IGSF10: variants seen among roughly 807,000 people sequenced by gnomAD.
The protein encoded by IGSF10 is immunoglobulin superfamily member 10, also known as calvaria mechanical force protein 608.
In IGSF10, 126 loss-of-function variants were observed where a neutral mutation model predicts 128.2. That is an observed-to-expected ratio of 0.98 (90% CI 0.85 to 1.14). IGSF10 has a LOEUF of 1.14. Ranked by LOEUF, IGSF10 falls within the 50% of genes most tolerant of loss-of-function variation. The pLI is 0.00. For synonymous variants in IGSF10, 1,185 were observed against 1,146.2 expected (o/e 1.03, Z -0.68); for missense variants, 3,295 against 3,149.8 (o/e 1.05, Z -1.10).
chr3:151,437,624 A>AGAT lies in IGSF10; in HGVS notation c.6934_6936dup (p.Ile2312dup), dbSNP rs1720467560. On this transcript the variant is annotated inframe_insertion, in exon 8 of 8. Transcript: ENST00000282466. Reference sequence around the variant, plus strand: ...TCTCCACCTTCATTTCGGGCCACACAGATAAAGTCGGCTGAATCTGAAAGC... The same window carrying AGAT: ...TCTCCACCTTCATTTCGGGCCACACAGATGATAAAGTCGGCTGAATCTGAAAGC... 1.2e-6 allele frequency: 2 copies of AGAT among 1,614,220 alleles called. No homozygotes were observed. The highest frequency in any genetic ancestry group is 1.7e-6 in the Non-Finnish European group (2 of 1,180,046).
chr3:151,509,430 T>C, the IGSF10 span, among the ~76,000 whole-genome samples: 1 of 152,204 alleles, frequency 6.6e-6, no homozygotes, highest in Non-Finnish European at 1.5e-5. Flanking sequence ...CATGGACTTA[T>C]GGAGAACCAA....
chr3:151,490,454 GAT>G, the IGSF10 span, among the ~76,000 whole-genome samples: 1 of 150,904 alleles, frequency 6.6e-6, no homozygotes, highest in Non-Finnish European at 1.5e-5. Context: ...TTCAACAATG[GAT>G]AGATCAATTA....
chr3:151,542,725 C>T, the IGSF10 span, among the ~76,000 whole-genome samples: 1 of 152,148 alleles, frequency 6.6e-6, no homozygotes, highest in Non-Finnish European at 1.5e-5. Flanking sequence ...GATTTGGGTT[C>T]TTAAAACTAA....
chr3:151,438,132 T>C lies in IGSF10; in HGVS notation c.6429A>G (p.Ile2143Met). 6.2e-7 allele frequency: 1 copy of C among 1,614,194 alleles called. No individual in the cohort carries two copies. Residue 2143 changes from isoleucine to methionine, a missense_variant, in exon 8 of 8, where the codon ATA becomes ATG. Ile to Met is a conservative substitution (Grantham distance 10). Coordinates refer to ENST00000282466, the MANE Select transcript of IGSF10 (RefSeq NM_178822.5). Reference sequence around the variant, plus strand: ...TCTTGTTGGTTTTGTTACTCTGCCTTATCCGGGGAGCAGCTGTTATAACTG... The same window carrying C: ...TCTTGTTGGTTTTGTTACTCTGCCTCATCCGGGGAGCAGCTGTTATAACTG... ...HLTVITAAPR[I>M]RQSNKTNKRI...
the IGSF10 span, among the ~76,000 whole-genome samples, chr3:151,504,339 G>T: frequency 6.6e-6 from 1 of 152,152 alleles, no homozygotes; most frequent in Admixed American, 6.6e-5. Context: ...ATAGAGTTGG[G>T]AATGAGAAAT....
chr3:151,568,838 G>T, the IGSF10 span, among the ~76,000 whole-genome samples: 24 of 152,300 alleles, frequency 1.6e-4, no homozygotes, highest in African/African-American at 5.8e-4. Flanking sequence ...GTATTTGTCA[G>T]AGTGTGTAGT....
the IGSF10 span, among the ~76,000 whole-genome samples, chr3:151,531,157 C>T: frequency 1.3e-5 from 2 of 152,128 alleles, no homozygotes; most frequent in Non-Finnish European, 2.9e-5. Flanking sequence ...AATATATATG[C>T]ATCAAATACA....
rs750768949 is a variant in IGSF10 at position 151,446,267 on chromosome 3, T to C, written c.3714A>G (p.Thr1238=). 71 of 1,613,908 alleles carry C rather than the reference T, an allele frequency of 4.4e-5. No homozygotes were observed. The highest frequency in any genetic ancestry group is 2.3e-4 in the Admixed American group (14 of 60,000). ...QKSTAVMLPK[T]SPALPRDKVS... is the part of the protein sequence containing the mutation. ...CTTTGTCTCTGGGTAAAGCAGGAGA[T>C]GTTTTAGGAAGCATCACAGCTGTGC... The change falls in exon 6 of 8, where the codon ACA becomes ACG. Residue 1238 remains threonine (T), a synonymous_variant. Coordinates refer to ENST00000282466, the MANE Select transcript of IGSF10 (RefSeq NM_178822.5).
At chr3:151,473,141 T>TGTTGCCCTAATCCTTTC in the IGSF10 span, among the ~76,000 whole-genome samples, 2 of 152,228 alleles carry the variant, frequency 1.3e-5, no homozygotes, top group African/African-American at 4.8e-5. Context: ...CCTCATCTTT[T>TGTTGCCCTAATCCTTTC]GTTGCCCTAA....
At chr3:151,474,953 C>T in the IGSF10 span, among the ~76,000 whole-genome samples, 3 of 152,152 alleles carry the variant, frequency 2.0e-5, no homozygotes, top group East Asian at 5.8e-4. Context: ...GGGTCCCTCC[C>T]ACAATATGTG....
chr3:151,579,842 A>G, the IGSF10 span, among the ~76,000 whole-genome samples: 16 of 139,596 alleles, frequency 1.1e-4, no homozygotes, highest in Non-Finnish European at 3.1e-5. Context: ...AAGGAAGGAA[A>G]GAAGGAAGGG....
the IGSF10 span, among the ~76,000 whole-genome samples, chr3:151,578,676 T>C: frequency 2.0e-5 from 3 of 152,190 alleles, no homozygotes; most frequent in Non-Finnish European, 2.9e-5. Flanking sequence ...CTTCCTATCT[T>C]TTCTGTGAAA....
At chr3:151,577,941 A>T in the IGSF10 span, among the ~76,000 whole-genome samples, 3 of 152,120 alleles carry the variant, frequency 2.0e-5, no homozygotes, top group Non-Finnish European at 1.5e-5. Flanking sequence ...GTTTCTTTTA[A>T]TGTTGCTTTG....
chr3:151,446,045 TATG>T lies in IGSF10; in HGVS notation c.3933_3935del (p.Ile1312del). On this transcript the variant is annotated inframe_deletion, in exon 6 of 8. Coordinates refer to ENST00000282466, the MANE Select transcript of IGSF10 (RefSeq NM_178822.5). The stretch of plus-strand genomic sequence containing the variant: ...TTGCTGGTATTGCTGTTTGCGTTGA[TATG>T]ATGCTTTTTGTACTTGAGTCTTTGC... The T allele has an allele frequency of 7.4e-6, 12 of 1,614,148 alleles. No homozygotes were observed. The highest frequency in any genetic ancestry group is 1.0e-5 in the Non-Finnish European group (12 of 1,180,022).
chr3:151,570,095 TG>T, the IGSF10 span, among the ~76,000 whole-genome samples: 2 of 152,214 alleles, frequency 1.3e-5, no homozygotes, highest in African/African-American at 4.8e-5. Context: ...TAGTATTCCA[TG>T]GTGTATATGT....
At chr3:151,500,387 A>G in the IGSF10 span, among the ~76,000 whole-genome samples, 1 of 152,178 alleles carries the variant, frequency 6.6e-6, no homozygotes, top group Non-Finnish European at 1.5e-5. Context: ...TTCTGAAGAA[A>G]GATTTTGAAT....
chr3:151,508,658 T>G, the IGSF10 span, among the ~76,000 whole-genome samples: 1 of 152,190 alleles, frequency 6.6e-6, no homozygotes, highest in Non-Finnish European at 1.5e-5. Flanking sequence ...TTTGAAAAGC[T>G]TTACAAAATC....
the IGSF10 span, among the ~76,000 whole-genome samples, chr3:151,619,628 G>A: frequency 6.6e-6 from 1 of 151,910 alleles, no homozygotes; most frequent in African/African-American, 2.4e-5. Flanking sequence ...AAAATAAGTG[G>A]GTATGTAAAT....
the IGSF10 span, among the ~76,000 whole-genome samples, chr3:151,588,807 T>C: frequency 6.6e-6 from 1 of 152,060 alleles, no homozygotes; most frequent in Non-Finnish European, 1.5e-5. Context: ...TACAATAGAA[T>C]ATCAAGTAAG....
Sources: allele counts gnomAD v4.1 joint callset (sites outside exome capture counted in the v4.1 genomes callset), GRCh38; gene constraint gnomAD v4.1.1; transcripts MANE v1.5; gene names NCBI Gene and HGNC (gene_info 2026-07-23, HGNC 2026-07-21).